EXOC6B: variants seen among roughly 807,000 people sequenced by gnomAD.
The protein encoded by EXOC6B is SEC15 homolog B.
Under a neutral mutation model 113.5 loss-of-function variants are expected in EXOC6B, and 54 were observed. The observed-to-expected ratio is 0.48, with a 90% CI of 0.38 to 0.60. The LOEUF is 0.60. Among genes scored for constraint, EXOC6B ranks in the 20% least tolerant of loss-of-function variants. EXOC6B has a pLI of 0.00. For synonymous variants in EXOC6B, 357 were observed against 339.0 expected (o/e 1.05, Z -0.58); for missense variants, 797 against 977.5 (o/e 0.82, Z 2.46).
intron 18 of EXOC6B, among the ~76,000 whole-genome samples, chr2:72,432,023 A>G (rs1695565058): frequency 6.6e-6 from 1 of 151,024 alleles, no homozygotes; most frequent in Non-Finnish European, 1.5e-5. Context: ...TATGTGCCAC[A>G]TTTTCTTTTT....
chr2:72,317,680 A>C (rs575033966), intron 20 of EXOC6B, among the ~76,000 whole-genome samples: 54 of 152,106 alleles, frequency 3.6e-4, no homozygotes, highest in African/African-American at 1.3e-3. Context: ...CATCACACAC[A>C]TTCACTTTTA....
intron 10 of EXOC6B, 102 bp from the exon 11 acceptor site, chr2:72,513,354 T>C (rs1701047909): frequency 1.4e-6 from 2 of 1,433,020 alleles, no homozygotes; most frequent in Non-Finnish European, 1.9e-6. Context: ...AATGCAAAGT[T>C]AGTGGTCATT....
At chr2:72,512,702 C>T (rs1701005112) in intron 11 of EXOC6B, among the ~76,000 whole-genome samples, 1 of 151,808 alleles carries the variant, frequency 6.6e-6, no homozygotes, top group African/African-American at 2.4e-5. Flanking sequence ...AGAGTCAGAC[C>T]ATCTGGGTTT....
intron 1 of EXOC6B, among the ~76,000 whole-genome samples, chr2:72,760,024 A>T (rs907263326): frequency 6.6e-6 from 1 of 152,196 alleles, no homozygotes; most frequent in Non-Finnish European, 1.5e-5. Context: ...GTCAGAGAGA[A>T]ACACCAGTGA....
chr2:72,219,144 AG>A (rs1251437427), intron 20 of EXOC6B, among the ~76,000 whole-genome samples: 1 of 152,178 alleles, frequency 6.6e-6, no homozygotes, highest in African/African-American at 2.4e-5. Flanking sequence ...GGGATTCCTA[AG>A]ACCAGAGAAG....
chr2:72,303,768 T>G (rs1686672964), intron 20 of EXOC6B, among the ~76,000 whole-genome samples: 2 of 152,196 alleles, frequency 1.3e-5, no homozygotes, highest in African/African-American at 4.8e-5. Flanking sequence ...TCTGGTCATT[T>G]GTGTTGCTGG....
chr2:72,430,625 C>A (rs1189015257), intron 18 of EXOC6B, among the ~76,000 whole-genome samples: 1 of 152,076 alleles, frequency 6.6e-6, no homozygotes. Context: ...CCAGCCTGGA[C>A]AACAGAATGA....
chr2:72,243,126 T>G (rs1420759660), intron 20 of EXOC6B, among the ~76,000 whole-genome samples: 1 of 152,174 alleles, frequency 6.6e-6, no homozygotes, highest in East Asian at 1.9e-4. Flanking sequence ...AGAAAAGGTT[T>G]AATTGACTCA....
chr2:72,387,061 A>G (rs973281806), intron 18 of EXOC6B, among the ~76,000 whole-genome samples: 1 of 152,166 alleles, frequency 6.6e-6, no homozygotes, highest in East Asian at 1.9e-4. Flanking sequence ...ACTAGCCTAC[A>G]CTGCTGACAG....
intron 20 of EXOC6B, among the ~76,000 whole-genome samples, chr2:72,252,673 A>C (rs11895920): frequency 0.014 from 2,180 of 152,320 alleles, 53 homozygotes; most frequent in African/African-American, 0.049. Context: ...GAATGAATGA[A>C]TAATACACAT....
chr2:72,523,642 G>A (rs376892139), intron 8 of EXOC6B, among the ~76,000 whole-genome samples: 7 of 152,022 alleles, frequency 4.6e-5, no homozygotes, highest in Admixed American at 2.0e-4. Flanking sequence ...TCAGCCGGGC[G>A]TGGTGGCAGG....
chr2:72,709,366 G>A (rs1052225941), intron 6 of EXOC6B, among the ~76,000 whole-genome samples: 1 of 152,154 alleles, frequency 6.6e-6, no homozygotes, highest in Non-Finnish European at 1.5e-5. Flanking sequence ...TTTCTCCAGG[G>A]CCAGGAAGAT....
At chr2:72,477,856 C>T (rs559680732) in intron 17 of EXOC6B, among the ~76,000 whole-genome samples, 1 of 152,136 alleles carries the variant, frequency 6.6e-6, no homozygotes, top group Non-Finnish European at 1.5e-5. Context: ...TAATTTCTCA[C>T]TTCTTTTTGG....
At chr2:72,622,429 C>T (rs1671803077) in intron 6 of EXOC6B, among the ~76,000 whole-genome samples, 1 of 152,116 alleles carries the variant, frequency 6.6e-6, no homozygotes, top group South Asian at 2.1e-4. Context: ...AAGAAGCTAT[C>T]CAGGCTGGGC....
chr2:72,413,806 A>C (rs1021902936), intron 18 of EXOC6B, among the ~76,000 whole-genome samples: 2 of 152,172 alleles, frequency 1.3e-5, no homozygotes, highest in African/African-American at 4.8e-5. Flanking sequence ...CTGGGATTAC[A>C]GACTGTATGT....
chr2:72,523,572 A>G (rs1701598233), intron 8 of EXOC6B, among the ~76,000 whole-genome samples: 1 of 152,028 alleles, frequency 6.6e-6, no homozygotes, highest in East Asian at 1.9e-4. Flanking sequence ...AGGTCAGGAG[A>G]TCGTAGCCAT....
intron 1 of EXOC6B, among the ~76,000 whole-genome samples, chr2:72,790,734 T>A (rs1459910648): frequency 6.6e-6 from 1 of 152,212 alleles, no homozygotes; most frequent in African/African-American, 2.4e-5. Flanking sequence ...AATCTTGATA[T>A]CACTACTATT....
chr2:72,355,210 A>C (rs149284437), intron 19 of EXOC6B, among the ~76,000 whole-genome samples: 135 of 152,360 alleles, frequency 8.9e-4, no homozygotes, highest in African/African-American at 3.1e-3. Flanking sequence ...TACTGTATGC[A>C]TATATACACA....
At chr2:72,334,302 G>C (rs991903812) in intron 20 of EXOC6B, among the ~76,000 whole-genome samples, 13 of 151,990 alleles carry the variant, frequency 8.6e-5, no homozygotes, top group Admixed American at 3.3e-4. Flanking sequence ...AGAATGACTG[G>C]TTCTATCTAA....
Sources: allele counts gnomAD v4.1 joint callset (sites outside exome capture counted in the v4.1 genomes callset), GRCh38; gene constraint gnomAD v4.1.1; transcripts MANE v1.5; gene names NCBI Gene and HGNC (gene_info 2026-07-23, HGNC 2026-07-21).